Variants in L3MBTL4 observed in about 807,000 individuals in gnomAD.
L3MBTL4 encodes lethal(3)malignant brain tumor-like protein 4.
A neutral mutation model predicts 84.5 loss-of-function variants in L3MBTL4; 70 were observed. The ratio of observed to expected loss-of-function variants is 0.83; its 90% CI spans 0.68 to 1.01. The LOEUF (loss-of-function observed/expected upper bound fraction) is 1.01. Ranked by LOEUF, L3MBTL4 falls within the 50% of genes least tolerant of loss-of-function variation. The probability of loss-of-function intolerance (pLI) is 0.00; values close to 1 mark genes in which losing one functional copy is unlikely to be tolerated. For missense variants in L3MBTL4, 715 were observed against 754.8 expected (o/e 0.95, Z 0.62); for synonymous variants, 274 against 259.8 (o/e 1.05, Z -0.52).
chr18:6,334,968 C>A (rs2143292440), intron 1 of L3MBTL4, among the ~76,000 whole-genome samples: 1 of 152,272 alleles, frequency 6.6e-6, no homozygotes, highest in Non-Finnish European at 1.5e-5. Flanking sequence ...TCTAGCAACA[C>A]TAAAAAAAGC....
At chr18:6,243,263 C>A in intron 7 of L3MBTL4, 31 bp downstream of exon 7, 1 of 1,460,000 alleles carries the variant, frequency 6.8e-7, no homozygotes, top group South Asian at 1.6e-5. Flanking sequence ...AATTGATTCT[C>A]TTTCCAGTTG....
At chr18:6,070,450 T>A (rs1373111815) in intron 16 of L3MBTL4, among the ~76,000 whole-genome samples, 1 of 149,740 alleles carries the variant, frequency 6.7e-6, no homozygotes, top group Non-Finnish European at 1.5e-5. Context: ...CTATAACCTG[T>A]AAAAATATTC....
At chr18:6,121,331 A>G (rs1396570273) in intron 14 of L3MBTL4, among the ~76,000 whole-genome samples, 1 of 152,252 alleles carries the variant, frequency 6.6e-6, no homozygotes, top group Non-Finnish European at 1.5e-5. Flanking sequence ...TAGTTCTTAT[A>G]AATAGGCGAT....
intron 1 of L3MBTL4, among the ~76,000 whole-genome samples, chr18:6,343,005 T>C (rs1383732483): frequency 6.6e-6 from 1 of 152,154 alleles, no homozygotes; most frequent in Non-Finnish European, 1.5e-5. Flanking sequence ...TGTTGTTACA[T>C]ATTGATAAAG....
intron 4 of L3MBTL4, among the ~76,000 whole-genome samples, chr18:6,267,141 C>G (rs1456006986): frequency 6.6e-6 from 1 of 151,976 alleles, no homozygotes; most frequent in African/African-American, 2.4e-5. Flanking sequence ...GTAATTTAAA[C>G]ATAGCTAATA....
intron 18 of L3MBTL4, among the ~76,000 whole-genome samples, chr18:5,957,231 G>C (rs1459991878): frequency 2.6e-5 from 4 of 152,058 alleles, no homozygotes; most frequent in African/African-American, 9.7e-5. Flanking sequence ...AATGATTCCT[G>C]GCTCCAGATG....
At chr18:6,291,539 A>C (rs1480205551) in intron 4 of L3MBTL4, among the ~76,000 whole-genome samples, 2 of 152,204 alleles carry the variant, frequency 1.3e-5, no homozygotes, top group Non-Finnish European at 2.9e-5. Context: ...CCAGGTATAA[A>C]TCCATGCACT....
chr18:6,389,514 T>C (rs901533977), intron 1 of L3MBTL4, among the ~76,000 whole-genome samples: 9 of 151,538 alleles, frequency 5.9e-5, no homozygotes, highest in Non-Finnish European at 1.3e-4. Flanking sequence ...GCAGAATGCT[T>C]AAAAAAAAAT....
intron 4 of L3MBTL4, among the ~76,000 whole-genome samples, chr18:6,297,222 A>C (rs1259864384): frequency 6.6e-6 from 1 of 152,178 alleles, no homozygotes; most frequent in African/African-American, 2.4e-5. Context: ...TGTTGCTCTT[A>C]AGAAACTTAG....
chr18:6,035,134 C>T (rs1174727131), intron 16 of L3MBTL4, among the ~76,000 whole-genome samples: 2 of 150,362 alleles, frequency 1.3e-5, no homozygotes, highest in African/African-American at 2.4e-5. Flanking sequence ...TTTTGCTGTG[C>T]AGAAGCTCTT....
intron 1 of L3MBTL4, among the ~76,000 whole-genome samples, chr18:6,363,423 A>C (rs148833592): frequency 9.2e-5 from 14 of 152,324 alleles, no homozygotes; most frequent in Middle Eastern, 6.8e-3. Context: ...GAGAGTTGAC[A>C]GGGAAAGTCC....
At chr18:6,080,755 T>C in intron 16 of L3MBTL4, 126 bp downstream of exon 16, 1 of 653,304 alleles carries the variant, frequency 1.5e-6, no homozygotes, top group East Asian at 2.9e-5. Context: ...ACAAGTCTCT[T>C]TTGACTTCTA....
chr18:6,297,016 T>A (rs1336009139), intron 4 of L3MBTL4, among the ~76,000 whole-genome samples: 1 of 152,150 alleles, frequency 6.6e-6, no homozygotes, highest in African/African-American at 2.4e-5. Flanking sequence ...AATGTCTAAG[T>A]CAATCTTCAA....
intron 16 of L3MBTL4, among the ~76,000 whole-genome samples, chr18:5,997,127 A>G (rs1441246009): frequency 1.3e-5 from 2 of 150,712 alleles, no homozygotes; most frequent in Non-Finnish European, 2.9e-5. Context: ...TATTAATATA[A>G]TAACTGTGTA....
intron 1 of L3MBTL4, among the ~76,000 whole-genome samples, chr18:6,336,688 C>T (rs895100466): frequency 6.6e-6 from 1 of 152,122 alleles, no homozygotes; most frequent in Admixed American, 6.5e-5. Flanking sequence ...ATTCATCTGC[C>T]TTGCAGAAAA....
chr18:6,090,622 A>T (rs1326972379), intron 15 of L3MBTL4, among the ~76,000 whole-genome samples: 1 of 124,924 alleles, frequency 8.0e-6, no homozygotes, highest in African/African-American at 3.9e-5. Flanking sequence ...ACACACACAC[A>T]CATATATTTC....
intron 16 of L3MBTL4, among the ~76,000 whole-genome samples, chr18:6,007,015 T>C (rs976717216): frequency 2.0e-5 from 3 of 152,064 alleles, no homozygotes; most frequent in Non-Finnish European, 4.4e-5. Flanking sequence ...ATAGCAGAAT[T>C]CTATCATAGC....
At chr18:6,079,004 C>G (rs939954828) in intron 16 of L3MBTL4, among the ~76,000 whole-genome samples, 18 of 152,294 alleles carry the variant, frequency 1.2e-4, no homozygotes, top group African/African-American at 4.1e-4. Flanking sequence ...AATGCTGCAG[C>G]TGATCTGACA....
chr18:5,969,206 C>T (rs1200112772), intron 17 of L3MBTL4, among the ~76,000 whole-genome samples, 187 bp downstream of exon 17: 1 of 152,074 alleles, frequency 6.6e-6, no homozygotes, highest in Non-Finnish European at 1.5e-5. Flanking sequence ...GGTGGGCTTT[C>T]CTCATCTCCT....
Sources: gnomAD v4.1 joint callset for allele counts (sites outside exome capture counted in the v4.1 genomes callset) on GRCh38, gnomAD v4.1.1 for gene constraint, MANE v1.5 for transcripts, NCBI Gene and HGNC (gene_info 2026-07-23, HGNC 2026-07-21) for gene names.